GUCY2C: variants seen among roughly 807,000 people sequenced by gnomAD.
The protein encoded by GUCY2C is guanylyl cyclase C.
GUCY2C carries 118 observed loss-of-function variants against 131.1 expected under a neutral mutation model. That is an observed-to-expected ratio of 0.90 (90% CI 0.78 to 1.05). The LOEUF is 1.05. Ranked by LOEUF, GUCY2C falls within the 50% of genes least tolerant of loss-of-function variation. The probability of loss-of-function intolerance (pLI) is 0.00; values close to 1 mark genes in which losing one functional copy is unlikely to be tolerated. For missense variants in GUCY2C, 1,161 were observed against 1,304.4 expected, an observed-to-expected ratio of 0.89 and a Z score of 1.69; for synonymous variants, 452 against 457.8, an observed-to-expected ratio of 0.99 and a Z score of 0.16.
Position 14,621,235 on chromosome 12 carries a change from A to T in GUCY2C, c.2602-19T>A. 6.3e-7 allele frequency: 1 copy of T among 1,597,458 alleles called. No homozygotes were observed. Among genetic ancestry groups the T allele is most frequent in the Non-Finnish European group, 8.6e-7 (1 of 1,166,848 alleles). On this transcript the variant is annotated intron_variant, in intron 22 of 26. Transcript: ENST00000261170. ...TTTCCACCTGTGGAAACAGTTTCTC[A>T]TGAGTGCCTCTGCCCCTTTGAAAAG...
chr12:14,671,218 A>G lies in GUCY2C; in HGVS notation c.1171-1385T>C, dbSNP rs549690500. ...AGCAAAGTTATATTTTCTTTCTGCA[A>G]CCTCTGCCTCCCAGGTTCAAATGAC... On this transcript the variant is annotated intron_variant, in intron 9 of 26. Coordinates refer to ENST00000261170, the MANE Select transcript of GUCY2C (RefSeq NM_004963.4). Among the ~76,000 whole-genome samples the G allele has an allele frequency of 7.2e-5, 11 of 152,142 alleles. No homozygotes were observed. In the South Asian group the frequency reaches 2.1e-3, roughly 29 times the overall value.
intron 22 of GUCY2C, 110 bp from the exon 23 acceptor site, chr12:14,621,326 T>A: frequency 2.2e-6 from 2 of 903,480 alleles, no homozygotes; most frequent in Non-Finnish European, 3.5e-6. Flanking sequence ...GAACACAGTA[T>A]GAGCATAGCC....
At chr12:14,660,184 C>G (rs1947839597) in intron 11 of GUCY2C, among the ~76,000 whole-genome samples, 1 of 152,160 alleles carries the variant, frequency 6.6e-6, no homozygotes. Context: ...GTGTGTAATA[C>G]ACAGATAAAA....
At chr12:14,637,462 A>C (rs1186023271) in intron 19 of GUCY2C, among the ~76,000 whole-genome samples, 1 of 152,196 alleles carries the variant, frequency 6.6e-6, no homozygotes, top group East Asian at 1.9e-4. Context: ...GAAACCAAAA[A>C]AGAGCCCAAA....
At chr12:14,685,989 T>C (rs1948460431) in intron 3 of GUCY2C, among the ~76,000 whole-genome samples, 172 bp downstream of exon 3, 1 of 152,186 alleles carries the variant, frequency 6.6e-6, no homozygotes, top group Admixed American at 6.6e-5. Context: ...AGACATTCAC[T>C]CCATGCTGAG....
rs1946693251 is a variant in GUCY2C, at chr12:14,613,475, C to T, written c.3048-184G>A. ...TGATGAGCTTAAAAAACTGTTATCT[C>T]TGCTAGGAAATTAGGCTTCAATTTC... On this transcript the variant is annotated intron_variant, in intron 26 of 26. Transcript: ENST00000261170. This position sits in a 1 kb window ranked among gnomAD's most constrained non-coding sequence, Gnocchi z 4.9. 6.6e-6 allele frequency among the ~76,000 whole-genome samples: 1 copy of T among 152,074 alleles called. No homozygotes were observed. The highest frequency in any genetic ancestry group is 2.4e-5 in the African/African-American group (1 of 41,402).
In GUCY2C at chr12:14,641,163, C is replaced by T. The variant is rs781269472; in HGVS notation, c.1987G>A (p.Val663Met). The part of the protein sequence containing the change: ...RQANISQKGD[V>M]YSYGIIAQEI... ...TGTGCGATGATCCCATAGCTGTACA[C>T]ATCTCCTTTCTGAGAGATGTTGGCT... is the stretch of plus-strand genomic sequence containing the variant. The change falls in exon 18 of 27, where the codon GTG (valine) becomes ATG (methionine). Residue 663 changes from valine to methionine, a missense_variant. Transcript: ENST00000261170. 93 of 1,613,578 alleles carry T rather than the reference C, an allele frequency of 5.8e-5. No homozygotes were observed. Among genetic ancestry groups the T allele is most frequent in the Non-Finnish European group, 7.2e-5 (85 of 1,179,790 alleles).
chr12:14,692,046 G>T (rs1948584160), intron 1 of GUCY2C, among the ~76,000 whole-genome samples: 1 of 152,214 alleles, frequency 6.6e-6, no homozygotes, highest in Admixed American at 6.5e-5. Context: ...ACCTAGGGAA[G>T]TCTAATTCTA....
chr12:14,683,897 TGA>T (rs1948404990), intron 3 of GUCY2C, among the ~76,000 whole-genome samples: 1 of 152,224 alleles, frequency 6.6e-6, no homozygotes, highest in South Asian at 2.1e-4. Context: ...TTTAGTGTTT[TGA>T]GATTGCAAAG....
chr12:14,635,070 A>G (rs1241981826), intron 19 of GUCY2C, among the ~76,000 whole-genome samples: 2 of 152,216 alleles, frequency 1.3e-5, no homozygotes, highest in Non-Finnish European at 2.9e-5. Context: ...AAGACAGAAA[A>G]TTAACCAAGA....
At chr12:14,694,708 T>C (rs1948627924) in intron 1 of GUCY2C, among the ~76,000 whole-genome samples, 1 of 152,234 alleles carries the variant, frequency 6.6e-6, no homozygotes, top group Non-Finnish European at 1.5e-5. Flanking sequence ...AGAGATGTTG[T>C]GTGTGCACAG....
chr12:14,626,462 T>C (rs1947020256), intron 20 of GUCY2C, among the ~76,000 whole-genome samples: 1 of 152,166 alleles, frequency 6.6e-6, no homozygotes, highest in Non-Finnish European at 1.5e-5. Flanking sequence ...TGAAGAGCAA[T>C]TTGGTAAAAA....
chr12:14,674,367 T>A, intron 8 of GUCY2C: 1 of 495,078 alleles, frequency 2.0e-6, no homozygotes, highest in Non-Finnish European at 3.7e-6. Context: ...TATGATGAGC[T>A]TGTTCATAAG....
intron 24 of GUCY2C, among the ~76,000 whole-genome samples, chr12:14,617,317 T>C (rs1425996513): frequency 1.3e-5 from 2 of 152,098 alleles, no homozygotes; most frequent in Non-Finnish European, 2.9e-5. Context: ...TAATCTCACG[T>C]GGGAAGAAAG....
intron 7 of GUCY2C, among the ~76,000 whole-genome samples, chr12:14,676,520 A>G (rs1291867884): frequency 2.0e-5 from 3 of 152,086 alleles, no homozygotes; most frequent in Non-Finnish European, 4.4e-5. Flanking sequence ...TTTAATTTCT[A>G]CCTATTTTAA....
At position 14,669,837 on chromosome 12, in the gene GUCY2C, T is replaced by G. The variant is rs1279155616; in HGVS notation, c.1171-4A>C. The stretch of plus-strand genomic sequence containing the variant: ...CATAGGTCAAAAGAACCTTGTACTG[T>G]GTCAGGGCACAAAAAAGAAAAAGGA... On this transcript the variant is annotated splice_region_variant and splice_polypyrimidine_tract_variant and intron_variant, in intron 9 of 26. Coordinates refer to ENST00000261170, the MANE Select transcript of GUCY2C (RefSeq NM_004963.4). 1 of 1,312,928 alleles carries G rather than the reference T, an allele frequency of 7.6e-7. No individual in the cohort carries two copies. Among genetic ancestry groups the G allele is most frequent in the Non-Finnish European group, 1.1e-6 (1 of 929,808 alleles). The allele number at this position is 1,312,928 out of a possible 1,614,324, so 81.3% of individuals were successfully genotyped here.
At position 14,621,175 on chromosome 12, in the gene GUCY2C, C is replaced by T; in HGVS notation, c.2643G>A (p.Leu881=). ...IGDAYMVASG[L]PKRNGNRHAI... is the part of the protein sequence containing the mutation. Reference sequence around the variant, plus strand: ...CATGCCGATTGCCATTTCTCTTAGGCAAACCACTAGCCACCATGTACGCAT... The same window carrying T: ...CATGCCGATTGCCATTTCTCTTAGGTAAACCACTAGCCACCATGTACGCAT... The change falls in exon 23 of 27, where the codon TTG becomes TTA. Residue 881 remains leucine, a synonymous_variant. Coordinates refer to ENST00000261170, the MANE Select transcript of GUCY2C (RefSeq NM_004963.4). 1.9e-6 allele frequency: 3 copies of T among 1,613,800 alleles called. No homozygotes were observed. Among genetic ancestry groups the T allele is most frequent in the Non-Finnish European group, 2.5e-6 (3 of 1,179,918 alleles).
At chr12:14,647,818 T>C (rs1222364871) in intron 15 of GUCY2C, among the ~76,000 whole-genome samples, 2 of 152,020 alleles carry the variant, frequency 1.3e-5, no homozygotes. Context: ...ATATATATGA[T>C]ATATACATTA....
intron 15 of GUCY2C, among the ~76,000 whole-genome samples, chr12:14,650,002 A>C (rs1191263843): frequency 6.6e-6 from 1 of 152,222 alleles, no homozygotes; most frequent in African/African-American, 2.4e-5. Context: ...TTCACAATTA[A>C]AACATCTTTT....
Sources: gnomAD v4.1 joint callset for allele counts (sites outside exome capture counted in the v4.1 genomes callset) on GRCh38, gnomAD v4.1.1 for gene constraint, Gnocchi (gnomAD v3.1) non-coding constraint, MANE v1.5 for transcripts, NCBI Gene and HGNC (gene_info 2026-07-23, HGNC 2026-07-21) for gene names.